CD99: variants seen among roughly 807,000 people sequenced by gnomAD.
The protein encoded by CD99 is CD99 molecule (Xg blood group), also known as CD99 antigen.
Under a neutral mutation model 28.4 loss-of-function variants are expected in CD99, and 19 were observed. That is an observed-to-expected ratio of 0.67 (90% CI 0.47 to 0.98). The LOEUF (loss-of-function observed/expected upper bound fraction) is 0.98, where lower values mean the gene tolerates loss of function less well. CD99 is among the 50% of genes least tolerant of loss of function. CD99 has a pLI of 0.00. For missense variants in CD99, 283 were observed against 248.8 expected (o/e 1.14, Z -0.92); for synonymous variants, 103 against 92.1 (o/e 1.12, Z -0.67).
chrX:2,737,461 C>T (rs2124318262), intron 8 of CD99, among the ~76,000 whole-genome samples: 1 of 150,384 alleles, frequency 6.6e-6, no homozygotes, highest in East Asian at 2.0e-4. Flanking sequence ...AGGTGTGAGC[C>T]ACCATGCCCA....
intron 7 of CD99, among the ~76,000 whole-genome samples, chrX:2,724,933 A>T (rs1037847331): frequency 3.0e-4 from 45 of 150,752 alleles, no homozygotes; most frequent in African/African-American, 9.1e-4. Context: ...GTGGTGGCAC[A>T]CACCTGTAAT....
chrX:2,709,567 G>A (rs1268676696), intron 1 of CD99, among the ~76,000 whole-genome samples: 2 of 152,270 alleles, frequency 1.3e-5, no homozygotes, highest in African/African-American at 2.4e-5. Context: ...GCACATGTGT[G>A]CCCACACCAT....
rs2124436889 is a variant in CD99, at chrX:2,691,326, A to T, written c.-35A>T. 15 of 1,516,660 alleles carry T rather than the reference A, an allele frequency of 9.9e-6. No homozygotes were observed. Among genetic ancestry groups the T allele is most frequent in the African/African-American group, 1.4e-5 (1 of 69,754 alleles). The allele number at this position is 1,516,660 out of a possible 1,614,324, so 94.0% of individuals were successfully genotyped here. On this transcript the variant is annotated 5_prime_UTR_variant, in exon 1 of 10. Transcript: ENST00000381192. ...CCTGCCGCCTTCGCCCACGCCCTGC[A>T]CTCCGGGACCGTCCCTGCGCGCTCT...
chrX:2,733,299 C>G (rs1339806150), intron 8 of CD99: 1 of 1,540,080 alleles, frequency 6.5e-7, no homozygotes, highest in South Asian at 1.2e-5. Flanking sequence ...AAAGCAGACC[C>G]AGCACCAGTT....
At chrX:2,694,036 A>T (rs893263613) in intron 1 of CD99, among the ~76,000 whole-genome samples, 7 of 152,150 alleles carry the variant, frequency 4.6e-5, no homozygotes, top group African/African-American at 1.7e-4. Flanking sequence ...TGGGAGTTGC[A>T]TGTATGCGCT....
At chrX:2,728,968 T>A (rs1349035125) in intron 8 of CD99, among the ~76,000 whole-genome samples, 1 of 151,716 alleles carries the variant, frequency 6.6e-6, no homozygotes, top group African/African-American at 2.4e-5. Flanking sequence ...GTAACTGGAA[T>A]TACAGGTGTG....
At chrX:2,705,741 C>T (rs1429565540) in intron 1 of CD99, among the ~76,000 whole-genome samples, 1 of 152,102 alleles carries the variant, frequency 6.6e-6, no homozygotes, top group African/African-American at 2.4e-5. Context: ...TGTGACCGAT[C>T]GTCTGCCCGG....
chrX:2,727,161 A>G, intron 8 of CD99: 1 of 698,178 alleles, frequency 1.4e-6, no homozygotes, highest in Non-Finnish European at 2.7e-6. Flanking sequence ...AACAAAAACC[A>G]GCACAGCGGA....
chrX:2,720,113 C>T (rs1385560791), intron 4 of CD99, among the ~76,000 whole-genome samples: 7 of 152,110 alleles, frequency 4.6e-5, no homozygotes, highest in Non-Finnish European at 8.8e-5. Context: ...TATTTTGGCC[C>T]TAGAAATTCT....
chrX:2,702,881 A>G (rs770427480), intron 1 of CD99, among the ~76,000 whole-genome samples: 13 of 152,064 alleles, frequency 8.5e-5, no homozygotes, highest in African/African-American at 2.4e-4. Context: ...TCCTGTGTTC[A>G]AGTGATTCTC....
At position 2,728,870 on chromosome X, in the gene CD99, T is replaced by A. The variant is rs1310244914; in HGVS notation, c.475+2497T>A. ...TTTTTTTTTTGAGACGGAGTCTCGC[T>A]CTATCGCCCAGAATGGAGGGCAGTG... On this transcript the variant is annotated intron_variant, in intron 8 of 9. Transcript: ENST00000381192. 2.1e-5 allele frequency among the ~76,000 whole-genome samples: 3 copies of A among 139,558 alleles called. No homozygotes were observed. The East Asian group carries it at 6.6e-4, about 31-fold the overall frequency. The allele number at this position is 139,558 out of a possible 152,430, so 91.6% of individuals were successfully genotyped here.
At chrX:2,734,831 T>A (rs2049857144) in intron 8 of CD99, among the ~76,000 whole-genome samples, 1 of 152,152 alleles carries the variant, frequency 6.6e-6, no homozygotes, top group Non-Finnish European at 1.5e-5. Flanking sequence ...TTTTCTTACT[T>A]CTTTTACTTT....
At chrX:2,701,476 G>A (rs183528658) in intron 1 of CD99, among the ~76,000 whole-genome samples, 1 of 152,356 alleles carries the variant, frequency 6.6e-6, no homozygotes, top group East Asian at 1.9e-4. Context: ...CACAGAGCAG[G>A]GACTACACTT....
At chrX:2,717,002 T>G (rs1205193899) in intron 2 of CD99, among the ~76,000 whole-genome samples, 7 of 152,162 alleles carry the variant, frequency 4.6e-5, no homozygotes, top group African/African-American at 1.7e-4. Flanking sequence ...AACTTTGCCA[T>G]TCTCCTGCCT....
At chrX:2,718,203 T>C (rs1203263189) in intron 3 of CD99, among the ~76,000 whole-genome samples, 1 of 151,946 alleles carries the variant, frequency 6.6e-6, no homozygotes, top group Admixed American at 6.6e-5. Context: ...AGTGCTGGGA[T>C]TACAGCGGTG....
chrX:2,711,277 CGTATATATAGTAT>C (rs1320714071), intron 1 of CD99, among the ~76,000 whole-genome samples: 9 of 145,710 alleles, frequency 6.2e-5, no homozygotes, highest in Non-Finnish European at 1.2e-4. Flanking sequence ...ATATATAATT[CGTATATATAGTAT>C]GTATATATAG....
At chrX:2,695,717 T>C (rs1395909257) in intron 1 of CD99, among the ~76,000 whole-genome samples, 7 of 151,484 alleles carry the variant, frequency 4.6e-5, no homozygotes, top group Non-Finnish European at 1.5e-5. Flanking sequence ...CACTGCGACC[T>C]GTGTCTCCCG....
intron 8 of CD99, chrX:2,733,271 G>C: frequency 3.6e-6 from 5 of 1,385,506 alleles, no homozygotes; most frequent in Non-Finnish European, 5.0e-6. Flanking sequence ...CTGCTGCTGG[G>C]AGCCCCAGCG....
chrX:2,710,399 G>A (rs1348596590), intron 1 of CD99, among the ~76,000 whole-genome samples: 2 of 152,078 alleles, frequency 1.3e-5, no homozygotes, highest in African/African-American at 4.8e-5. Flanking sequence ...ATGTTGCTTT[G>A]TTTTGTTTCT....
Sources: allele counts gnomAD v4.1 joint callset (sites outside exome capture counted in the v4.1 genomes callset), GRCh38; gene constraint gnomAD v4.1.1; transcripts MANE v1.5; gene names NCBI Gene and HGNC (gene_info 2026-07-23, HGNC 2026-07-21).